Variants in DYSF observed in about 807,000 individuals in gnomAD.
DYSF encodes dysferlin.
Under a neutral mutation model 274.9 loss-of-function variants are expected in DYSF, and 212 were observed. The observed-to-expected ratio is 0.77, with a 90% CI of 0.69 to 0.86. The LOEUF (loss-of-function observed/expected upper bound fraction) is 0.86. Among genes scored for constraint, DYSF ranks in the 40% least tolerant of loss-of-function variants. The probability of loss-of-function intolerance (pLI) is 0.00; values close to 1 mark genes in which losing one functional copy is unlikely to be tolerated. For missense variants in DYSF, 2,666 were observed against 2,783.2 expected (o/e 0.96, Z 0.95); for synonymous variants, 1,091 against 1,078.7 (o/e 1.01, Z -0.22).
At chr2:71,461,050 G>C (rs1248708410) in intron 1 of DYSF, among the ~76,000 whole-genome samples, 1 of 152,116 alleles carries the variant, frequency 6.6e-6, no homozygotes, top group Non-Finnish European at 1.5e-5. Context: ...CTCACCAGTG[G>C]GCAGAACCCA....
Position 71,598,594 on chromosome 2 carries a change from A to C in DYSF, c.3605A>C (p.Gln1202Pro). The change falls in exon 33 of 56, where the codon CAG (glutamine) becomes CCG (proline). Residue 1202 changes from glutamine to proline, a missense_variant. Around this residue, in one of 3 missense-constraint regions of DYSF, gnomAD observed 1,460 missense variants for 1,502.1 expected, o/e 0.97. Transcript: ENST00000410020. ...DPYAIVSFLH[Q>P]SQKTVVVKNT... is the part of the protein sequence containing the mutation. Reference sequence around the variant, plus strand: ...TATGCCATCGTCTCCTTCCTGCACCAGAGCCAGAAGACGGTGGTGGTGAAG... The same window carrying C: ...TATGCCATCGTCTCCTTCCTGCACCCGAGCCAGAAGACGGTGGTGGTGAAG... The C allele has an allele frequency of 6.2e-7, 1 of 1,614,176 alleles. No homozygotes were observed. Among genetic ancestry groups the C allele is most frequent in the Non-Finnish European group, 8.5e-7 (1 of 1,180,038 alleles).
At chr2:71,611,651 C>G (rs1338960925) in intron 38 of DYSF, 25 bp downstream of exon 38, 9 of 1,610,620 alleles carry the variant, frequency 5.6e-6, no homozygotes, top group Non-Finnish European at 2.5e-6. Context: ...CCTACTGTCC[C>G]CTTCCAGAGT....
chr2:71,529,100 C>G (rs1192380840), intron 14 of DYSF, among the ~76,000 whole-genome samples: 1 of 152,252 alleles, frequency 6.6e-6, no homozygotes, highest in Non-Finnish European at 1.5e-5. Context: ...CCCTCTGAGC[C>G]CTGGAGGGAG....
intron 30 of DYSF, among the ~76,000 whole-genome samples, chr2:71,575,375 G>A (rs1342617699): frequency 6.6e-6 from 1 of 152,192 alleles, no homozygotes; most frequent in East Asian, 1.9e-4. Flanking sequence ...CGTCAGAGGA[G>A]CCTGCCATAG....
chr2:71,590,296 G>T lies in DYSF; in HGVS notation c.3574+8G>T. On this transcript the variant is annotated splice_region_variant and intron_variant, in intron 32 of 55. Coordinates refer to ENST00000410020, the MANE Select transcript of DYSF (RefSeq NM_001130987.2). The stretch of plus-strand genomic sequence containing the variant: ...ACAAGGACTCTTTTTCTGGTAGGTG[G>T]GAGAGAGGCAGGAGAGTCAGAGACT... The T allele has an allele frequency of 6.2e-7, 1 of 1,614,168 alleles. No homozygotes were observed. Among genetic ancestry groups the T allele is most frequent in the South Asian group, 1.1e-5 (1 of 91,086 alleles).
At chr2:71,502,652 TGGTATG>T (rs2152714610) in intron 3 of DYSF, among the ~76,000 whole-genome samples, 1 of 152,304 alleles carries the variant, frequency 6.6e-6, no homozygotes, top group East Asian at 1.9e-4. Flanking sequence ...CTGGTGCGTG[TGGTATG>T]GACCGCCCAG....
chr2:71,587,573 A>C (rs1217039792), intron 30 of DYSF, among the ~76,000 whole-genome samples: 1 of 152,236 alleles, frequency 6.6e-6, no homozygotes, highest in Non-Finnish European at 1.5e-5. Flanking sequence ...ACTGTGAACC[A>C]GGAAGTGTGC....
chr2:71,608,264 G>A (rs146293241), intron 36 of DYSF, among the ~76,000 whole-genome samples: 18 of 142,164 alleles, frequency 1.3e-4, no homozygotes, highest in East Asian at 5.9e-4. Context: ...AGAGGAGGGC[G>A]CGGGTGGATT....
In DYSF at chr2:71,686,710, A is replaced by G. The variant is rs1350212631; in HGVS notation, c.*218A>G. 3 of 615,812 alleles carry G rather than the reference A, an allele frequency of 4.9e-6. No individual in the cohort carries two copies. Among genetic ancestry groups the G allele is most frequent in the East Asian group, 2.8e-5 (1 of 35,472 alleles). The allele number at this position is 615,812 out of a possible 1,614,324, so 38.1% of individuals were successfully genotyped here. A position where few individuals can be genotyped will look rare whatever the true frequency, so the allele number is the denominator to read the frequency against. On this transcript the variant is annotated 3_prime_UTR_variant, in exon 56 of 56. Coordinates refer to ENST00000410020, the MANE Select transcript of DYSF (RefSeq NM_001130987.2). Reference sequence around the variant, plus strand: ...CATCATTTCCTTCTCCCCCAACCCAACGCTTTTTTGGATCAGCTCAGACAT... The same window carrying G: ...CATCATTTCCTTCTCCCCCAACCCAGCGCTTTTTTGGATCAGCTCAGACAT...
rs147500128 is a variant in DYSF, at chr2:71,657,107, T to A, written c.4755+817T>A. Among the ~76,000 whole-genome samples, 831 of 152,292 alleles carry A rather than the reference T, an allele frequency of 5.5e-3. 6 individuals are homozygous for A. Among genetic ancestry groups the A allele is most frequent in the Middle Eastern group, 0.048 (14 of 294 alleles). On this transcript the variant is annotated intron_variant, in intron 43 of 55. Transcript: ENST00000410020. ...AAAAGTAAGGTAGTTACTTCCTAGA[T>A]ACAATGGGGGTGCAGGTATTGGGTA...
intron 36 of DYSF, among the ~76,000 whole-genome samples, chr2:71,604,152 G>A (rs2093605623): frequency 6.6e-6 from 1 of 152,070 alleles, no homozygotes; most frequent in Admixed American, 6.5e-5. Flanking sequence ...TGGGATGAAT[G>A]ATCTGCTGGT....
At chr2:71,463,456 C>G (rs1026365792), upstream of DYSF, among the ~76,000 whole-genome samples, 19 of 152,286 alleles carry the variant, frequency 1.2e-4, no homozygotes, top group African/African-American at 4.6e-4. Context: ...GGCTCCCACC[C>G]CACCAACTTG....
At position 71,670,766 on chromosome 2, in the gene DYSF, C is replaced by T. The variant is rs1417715103; in HGVS notation, c.5784+1020C>T. On this transcript the variant is annotated intron_variant, in intron 51 of 55. Transcript: ENST00000410020. ...CCAGGCCTGCCCTCAGAGAGCAGCC[C>T]CCAGAGCACAGAATGGGTGCTGAGG... Among the ~76,000 whole-genome samples, 6 of 152,320 alleles carry T rather than the reference C, an allele frequency of 3.9e-5. No individual in the cohort carries two copies. The Middle Eastern group carries it at 0.01, about 259-fold the overall frequency.
chr2:71,675,698 C>G (rs2095210145), intron 52 of DYSF, among the ~76,000 whole-genome samples: 1 of 152,132 alleles, frequency 6.6e-6, no homozygotes. Flanking sequence ...TTAGAAAATG[C>G]AGGTAAGGAA....
intron 14 of DYSF, 79 bp downstream of exon 14, chr2:71,528,480 G>A (rs1327151058): frequency 2.5e-6 from 3 of 1,213,750 alleles, no homozygotes; most frequent in Non-Finnish European, 3.6e-6. Context: ...GTGAGAGCAA[G>A]ACAGAGTGAG....
Position 71,664,392 on chromosome 2 carries a change from C to T in DYSF, c.5128C>T (p.Leu1710=). 1.9e-6 allele frequency: 3 copies of T among 1,614,192 alleles called. No individual in the cohort carries two copies. Among genetic ancestry groups the T allele is most frequent in the Non-Finnish European group, 2.5e-6 (3 of 1,180,030 alleles). The change falls in exon 46 of 56, where the codon CTG becomes TTG. Residue 1710 remains leucine, a synonymous_variant. Transcript: ENST00000410020. ...ETVVDLENRL[L]SKFGARCGLP... Reference sequence around the variant, plus strand: ...GGTCGTCGACCTGGAGAACAGGCTGCTGTCCAAGTTTGGGGCTCGCTGTGG... The same window carrying T: ...GGTCGTCGACCTGGAGAACAGGCTGTTGTCCAAGTTTGGGGCTCGCTGTGG...
At chr2:71,601,757 G>A (rs1434354041) in intron 35 of DYSF, among the ~76,000 whole-genome samples, 1 of 152,234 alleles carries the variant, frequency 6.6e-6, no homozygotes, top group Non-Finnish European at 1.5e-5. Flanking sequence ...CAGAATCCCA[G>A]ATGGAAGGAT....
At chr2:71,649,453 C>T (rs780672099) in intron 42 of DYSF, among the ~76,000 whole-genome samples, 15 of 152,004 alleles carry the variant, frequency 9.9e-5, no homozygotes, top group Admixed American at 7.9e-4. Flanking sequence ...ATATTCTTGT[C>T]TAAAACTGGG....
At chr2:71,469,885 A>G (rs949283241) in intron 1 of DYSF, among the ~76,000 whole-genome samples, 1 of 152,028 alleles carries the variant, frequency 6.6e-6, no homozygotes, top group African/African-American at 2.4e-5. Flanking sequence ...TGCCCTGCCC[A>G]TTTTCCATTC....
Sources: gnomAD v4.1 joint callset for allele counts (sites outside exome capture counted in the v4.1 genomes callset) on GRCh38, gnomAD v4.1.1 for gene constraint, gnomAD v4.1.1 regional missense constraint, MANE v1.5 for transcripts, NCBI Gene and HGNC (gene_info 2026-07-23, HGNC 2026-07-21) for gene names.